SLC35F3: variants seen among roughly 807,000 people sequenced by gnomAD.
SLC35F3 encodes putative thiamine transporter SLC35F3.
SLC35F3 carries 25 observed loss-of-function variants against 49.9 expected under a neutral mutation model. That is an observed-to-expected ratio of 0.50 (90% CI 0.37 to 0.70). SLC35F3 has a LOEUF of 0.70. Among genes scored for constraint, SLC35F3 ranks in the 30% least tolerant of loss-of-function variants. SLC35F3 has a pLI of 0.00. For missense variants in SLC35F3, 525 were observed against 639.8 expected (o/e 0.82, Z 1.94); for synonymous variants, 275 against 265.4 (o/e 1.04, Z -0.35).
At chr1:233,956,312 A>G (rs906994463) in intron 2 of SLC35F3, among the ~76,000 whole-genome samples, 1 of 151,544 alleles carries the variant, frequency 6.6e-6, no homozygotes, top group Non-Finnish European at 1.5e-5. Context: ...ATCTTCCTGC[A>G]CCCTCTTCAT....
intron 2 of SLC35F3, among the ~76,000 whole-genome samples, chr1:234,022,768 A>G (rs4475817): frequency 0.76 from 115,251 of 152,096 alleles, 44,550 homozygotes; most frequent in African/African-American, 0.92. Context: ...TACTGTATAC[A>G]GCATGTTCCA....
chr1:234,078,968 A>G lies in SLC35F3; in HGVS notation c.284-152449A>G, dbSNP rs148575714. 7.0e-3 allele frequency among the ~76,000 whole-genome samples: 1,066 copies of G among 152,348 alleles called. 16 individuals are homozygous for G. The highest frequency in any genetic ancestry group is 0.024 in the African/African-American group (1,012 of 41,586). ...ACTGCCTCTTTTCCAGAAAAAAATC[A>G]AAAGCGGTTCTAAATTCATATAGAA... On this transcript the variant is annotated intron_variant, in intron 2 of 7. Transcript: ENST00000366618.
At chr1:234,076,209 C>G (rs1366555602) in intron 2 of SLC35F3, among the ~76,000 whole-genome samples, 2 of 151,872 alleles carry the variant, frequency 1.3e-5, no homozygotes, top group Admixed American at 6.6e-5. Flanking sequence ...TCATGTATTG[C>G]CAGGTGGTAC....
rs113745774 is a variant in SLC35F3 at position 234,072,483 on chromosome 1, A to G, written c.284-158934A>G. ...GAGAGAGACATGAAGCAAATATACA[A>G]TTAAATATGTAACATGTTAGGTAGC... On this transcript the variant is annotated intron_variant, in intron 2 of 7. Coordinates refer to ENST00000366618, the MANE Select transcript of SLC35F3 (RefSeq NM_173508.4). Among the ~76,000 whole-genome samples, 27 of 152,350 alleles carry G rather than the reference A, an allele frequency of 1.8e-4. 1 individual carries two copies. The highest frequency in any genetic ancestry group is 5.5e-4 in the African/African-American group (23 of 41,576).
At chr1:234,164,333 C>T (rs902622376) in intron 2 of SLC35F3, among the ~76,000 whole-genome samples, 1 of 150,364 alleles carries the variant, frequency 6.7e-6, no homozygotes, top group African/African-American at 2.5e-5. Context: ...TATCTCTCTC[C>T]GTCTTTCTCT....
rs142168732 is a variant in SLC35F3 at position 234,248,634 on chromosome 1, C to T, written c.608+16893C>T. Among the ~76,000 whole-genome samples the T allele has an allele frequency of 3.7e-3, 560 of 152,228 alleles. 1 individual carries two copies. The highest frequency in any genetic ancestry group is 0.012 in the African/African-American group (519 of 41,534). ...TGAAAAACATCACATAAAGAAATGC[C>T]ATATGAAAAAGAGATTCAAGAGGAG... On this transcript the variant is annotated intron_variant, in intron 3 of 7. Coordinates refer to ENST00000366618, the MANE Select transcript of SLC35F3 (RefSeq NM_173508.4).
chr1:234,228,440 C>T (rs2102949036), intron 2 of SLC35F3, among the ~76,000 whole-genome samples: 2 of 152,294 alleles, frequency 1.3e-5, no homozygotes, highest in Admixed American at 1.3e-4. Context: ...GTCACTCTGA[C>T]ATAGACTGTC....
At chr1:234,114,976 A>T (rs1355125347) in intron 2 of SLC35F3, among the ~76,000 whole-genome samples, 1 of 152,118 alleles carries the variant, frequency 6.6e-6, no homozygotes, top group East Asian at 1.9e-4. Context: ...TATTGAGTTG[A>T]TATTAAAATA....
At chr1:234,033,025 C>CT (rs1001641282) in intron 2 of SLC35F3, among the ~76,000 whole-genome samples, 132 of 146,698 alleles carry the variant, frequency 9.0e-4, no homozygotes, top group Middle Eastern at 3.5e-3. Flanking sequence ...ATGCCAATAT[C>CT]TTTTTTTTTT....
intron 2 of SLC35F3, among the ~76,000 whole-genome samples, chr1:233,943,922 C>A (rs1401939547): frequency 1.3e-5 from 2 of 152,152 alleles, no homozygotes; most frequent in African/African-American, 2.4e-5. Flanking sequence ...AATTGAATAA[C>A]CTGCTCCTGA....
At position 233,918,778 on chromosome 1, in the gene SLC35F3, T is replaced by TTC. The variant is rs139769087; in HGVS notation, c.283+13038_283+13039dup. Reference sequence around the variant, plus strand: ...TGAGACTCCGTCTCTCTCTCTCTCTTTCTCTCTCTCTCTCTCTCTTTCTCT... The same window carrying TTC: ...TGAGACTCCGTCTCTCTCTCTCTCTTTCTCTCTCTCTCTCTCTCTCTTTCTCT... On this transcript the variant is annotated intron_variant, in intron 2 of 7. Transcript: ENST00000366618. Among the ~76,000 whole-genome samples, 504 of 144,014 alleles carry TTC rather than the reference T, an allele frequency of 3.5e-3. 5 individuals are homozygous for TTC. Among genetic ancestry groups the TTC allele is most frequent in the African/African-American group, 0.012 (469 of 38,764 alleles). 94.5% of individuals were successfully genotyped at this position (144,014 alleles called of 152,430 possible). A position where few individuals can be genotyped will look rare whatever the true frequency, so the allele number is the denominator to read the frequency against.
At chr1:234,287,570 A>G (rs1179020768) in intron 3 of SLC35F3, among the ~76,000 whole-genome samples, 2 of 152,234 alleles carry the variant, frequency 1.3e-5, no homozygotes, top group East Asian at 3.8e-4. Flanking sequence ...CCTAACACAA[A>G]GCAGTTCATT....
chr1:234,095,242 G>T (rs1665099292), intron 2 of SLC35F3, among the ~76,000 whole-genome samples: 1 of 152,202 alleles, frequency 6.6e-6, no homozygotes, highest in Admixed American at 6.5e-5. Context: ...GAAGTTCATG[G>T]TCATTAACTT....
At chr1:234,268,565 CTG>C (rs2102972967) in intron 3 of SLC35F3, 1 of 152,208 alleles carries the variant, frequency 6.6e-6, no homozygotes, top group East Asian at 1.9e-4. Context: ...TCCAAAGAAA[CTG>C]TACAAAAAAG....
chr1:234,146,633 G>A (rs58458230), intron 2 of SLC35F3, among the ~76,000 whole-genome samples: 11 of 151,846 alleles, frequency 7.2e-5, no homozygotes, highest in Admixed American at 5.9e-4. Flanking sequence ...TCCTGCCTCA[G>A]CCTCCCAAGT....
chr1:234,280,808 C>T (rs1468207445), intron 3 of SLC35F3, among the ~76,000 whole-genome samples: 2 of 152,326 alleles, frequency 1.3e-5, no homozygotes, highest in East Asian at 1.9e-4. Context: ...AACTGAGGCT[C>T]AGAGAGATTG....
At chr1:233,997,224 A>T (rs2102830357) in intron 2 of SLC35F3, among the ~76,000 whole-genome samples, 1 of 152,218 alleles carries the variant, frequency 6.6e-6, no homozygotes, top group Non-Finnish European at 1.5e-5. Context: ...GGGCGTGCAG[A>T]CATCTGATGA....
At chr1:233,935,965 T>A (rs1442832528) in intron 2 of SLC35F3, among the ~76,000 whole-genome samples, 1 of 152,224 alleles carries the variant, frequency 6.6e-6, no homozygotes, top group African/African-American at 2.4e-5. Flanking sequence ...TGTTTGCCTT[T>A]CAACAACCTC....
At chr1:234,289,866 T>A (rs1433472052) in intron 3 of SLC35F3, among the ~76,000 whole-genome samples, 1 of 152,068 alleles carries the variant, frequency 6.6e-6, no homozygotes, top group Non-Finnish European at 1.5e-5. Context: ...AACCAAAACA[T>A]TATGAAAGAG....
Sources: gnomAD v4.1 joint callset for allele counts (sites outside exome capture counted in the v4.1 genomes callset) on GRCh38, gnomAD v4.1.1 for gene constraint, MANE v1.5 for transcripts, NCBI Gene and HGNC (gene_info 2026-07-23, HGNC 2026-07-21) for gene names.